Variants in OR4N2 observed in about 807,000 individuals in gnomAD.
OR4N2 encodes olfactory receptor 4N2.
For synonymous variants in OR4N2, 141 were observed against 140.4 expected, an observed-to-expected ratio of 1.00 and a Z score of -0.03; for missense variants, 307 against 377.6, an observed-to-expected ratio of 0.81 and a Z score of 1.55.
intron 1 of OR4N2, among the ~76,000 whole-genome samples, chr14:19,822,952 A>T (rs1480536267): frequency 6.6e-6 from 1 of 152,222 alleles, no homozygotes; most frequent in African/African-American, 2.4e-5. Flanking sequence ...CAAACCAGGG[A>T]TCCTTTTATG....
intron 1 of OR4N2, among the ~76,000 whole-genome samples, chr14:19,823,946 C>T (rs1230026901): frequency 1.2e-4 from 19 of 152,254 alleles, no homozygotes; most frequent in Non-Finnish European, 2.2e-4. Context: ...GGCATGCACA[C>T]ACAGAGTTGC....
chr14:19,808,312 T>C (rs187575034), intron 1 of OR4N2, among the ~76,000 whole-genome samples: 1 of 152,302 alleles, frequency 6.6e-6, no homozygotes, highest in African/African-American at 2.4e-5. Flanking sequence ...TCACTGATGA[T>C]ATAATTATAT....
At chr14:19,812,269 TCTCTTTGAA>T (rs1879315041) in intron 1 of OR4N2, among the ~76,000 whole-genome samples, 1 of 151,726 alleles carries the variant, frequency 6.6e-6, no homozygotes, top group Non-Finnish European at 1.5e-5. Flanking sequence ...AAAAGAAAAT[TCTCTTTGAA>T]TTTTCTGTTA....
intron 1 of OR4N2, chr14:19,822,001 A>G (rs1879579546): frequency 6.6e-6 from 1 of 152,274 alleles, no homozygotes; most frequent in Non-Finnish European, 1.5e-5. Flanking sequence ...GGAGCTCTTC[A>G]TATATATACA....
intron 1 of OR4N2, among the ~76,000 whole-genome samples, chr14:19,812,329 C>CTTTTTTTTTTTTT (rs3078143): frequency 3.2e-3 from 376 of 117,324 alleles, no homozygotes; most frequent in East Asian, 0.013. Flanking sequence ...CTTTTCTTTT[C>CTTTTTTTTTTTTT]TTTTTTTTTT....
At chr14:19,812,207 A>G (rs1252055570) in intron 1 of OR4N2, among the ~76,000 whole-genome samples, 4 of 152,136 alleles carry the variant, frequency 2.6e-5, no homozygotes, top group Non-Finnish European at 5.9e-5. Context: ...TTTTTATATA[A>G]AGTGTTAAGG....
chr14:19,825,275 C>T (rs1397201252), intron 1 of OR4N2, among the ~76,000 whole-genome samples: 2 of 152,230 alleles, frequency 1.3e-5, no homozygotes, highest in African/African-American at 4.8e-5. Flanking sequence ...ATTAACCACT[C>T]TATTCCATTC....
intron 1 of OR4N2, among the ~76,000 whole-genome samples, chr14:19,820,812 G>C (rs1292224117): frequency 1.3e-5 from 2 of 152,036 alleles, no homozygotes; most frequent in Non-Finnish European, 2.9e-5. Context: ...GTGAACTTCA[G>C]AGTGCTGTGC....
intron 1 of OR4N2, among the ~76,000 whole-genome samples, chr14:19,814,263 A>G (rs565224061): frequency 6.6e-6 from 1 of 152,256 alleles, no homozygotes; most frequent in Non-Finnish European, 1.5e-5. Flanking sequence ...GAGCAGAGTG[A>G]AAGTGAACAA....
At chr14:19,805,154 C>T (rs1195787587) in intron 1 of OR4N2, among the ~76,000 whole-genome samples, 2 of 152,182 alleles carry the variant, frequency 1.3e-5, no homozygotes, top group Admixed American at 1.3e-4. Context: ...TCCGACTTGC[C>T]ACTCTATGCC....
chr14:19,827,333 T>A (rs764337963), intron 1 of OR4N2, 107 bp from the exon 2 acceptor site: 3 of 977,466 alleles, frequency 3.1e-6, no homozygotes, highest in Non-Finnish European at 4.5e-6. Context: ...GGAAATGTTG[T>A]TTTTAGCTGA....
At chr14:19,824,939 G>A (rs1485426736) in intron 1 of OR4N2, among the ~76,000 whole-genome samples, 1 of 152,198 alleles carries the variant, frequency 6.6e-6, no homozygotes, top group African/African-American at 2.4e-5. Context: ...TTGCACAGGG[G>A]GTCTGCCCCC....
chr14:19,809,563 A>T (rs1181329835), intron 1 of OR4N2, among the ~76,000 whole-genome samples: 2 of 152,252 alleles, frequency 1.3e-5, no homozygotes, highest in Non-Finnish European at 2.9e-5. Context: ...AGCAAAAAAG[A>T]ACAAAGCTGG....
chr14:19,816,511 A>C (rs1403448216), intron 1 of OR4N2, among the ~76,000 whole-genome samples: 1 of 152,238 alleles, frequency 6.6e-6, no homozygotes, highest in South Asian at 2.1e-4. Flanking sequence ...TTAATGGTGT[A>C]TAGGAATGTT....
intron 1 of OR4N2, among the ~76,000 whole-genome samples, chr14:19,820,546 G>T (rs909552425): frequency 3.3e-5 from 5 of 152,242 alleles, no homozygotes; most frequent in African/African-American, 1.2e-4. Context: ...CTTCCCCCCA[G>T]GTGCTCTGTC....
intron 1 of OR4N2, among the ~76,000 whole-genome samples, chr14:19,816,235 G>A: frequency 6.6e-6 from 1 of 151,852 alleles, no homozygotes; most frequent in Non-Finnish European, 1.5e-5. Flanking sequence ...ATTCTGTGAA[G>A]AAAGTCAGTG....
intron 1 of OR4N2, among the ~76,000 whole-genome samples, chr14:19,804,335 C>A (rs1879112491): frequency 6.6e-6 from 1 of 151,816 alleles, no homozygotes; most frequent in African/African-American, 2.4e-5. Context: ...GTAGTTTTTT[C>A]TTTAGTGATA....
intron 1 of OR4N2, among the ~76,000 whole-genome samples, chr14:19,813,855 T>TTTTTTTTTTTG (rs1566464217): frequency 2.1e-5 from 3 of 143,630 alleles, no homozygotes; most frequent in African/African-American, 7.7e-5. Context: ...TTTTTTTTTT[T>TTTTTTTTTTTG]AAGTCATACA....
In OR4N2 at chr14:19,829,024, G is replaced by A. The variant is rs1331163742; in HGVS notation, c.*652G>A. 1.3e-5 allele frequency: 2 copies of A among 152,916 alleles called. No homozygotes were observed. Among genetic ancestry groups the A allele is most frequent in the African/African-American group, 2.4e-5 (1 of 41,454 alleles). 9.5% of individuals were successfully genotyped at this position (152,916 alleles called of 1,614,324 possible). A position where few individuals can be genotyped will look rare whatever the true frequency, so the allele number is the denominator to read the frequency against. On this transcript the variant is annotated 3_prime_UTR_variant, in exon 2 of 2. Transcript: ENST00000557677. ...GCAAAAGAGTGATTCCTCTACTGAA[G>A]GGTCATAAACAACTTAGCACTGTAA...
Sources: gnomAD v4.1 joint callset for allele counts (sites outside exome capture counted in the v4.1 genomes callset) on GRCh38, gnomAD v4.1.1 for gene constraint, MANE v1.5 for transcripts, NCBI Gene and HGNC (gene_info 2026-07-23, HGNC 2026-07-21) for gene names.